ZNF568: variants seen among roughly 807,000 people sequenced by gnomAD.
The protein encoded by ZNF568 is zinc finger protein 568, also known as p53 inhibitor of SCO2 activation.
ZNF568 carries 11 observed loss-of-function variants against 18.1 expected under a neutral mutation model. That is an observed-to-expected ratio of 0.61 (90% CI 0.38 to 1.00). ZNF568 has a LOEUF of 1.00. Among genes scored for constraint, ZNF568 ranks in the 50% least tolerant of loss-of-function variants. ZNF568 has a pLI of 0.01. For synonymous variants in ZNF568, 213 were observed against 246.6 expected (o/e 0.86, Z 1.28); for missense variants, 639 against 768.2 (o/e 0.83, Z 1.99).
chr19:36,977,258 G>C (rs1351978356), intron 7 of ZNF568, among the ~76,000 whole-genome samples: 1 of 152,094 alleles, frequency 6.6e-6, no homozygotes, highest in African/African-American at 2.4e-5. Context: ...AAACAATCTA[G>C]TCTTTAAGGT....
At chr19:36,973,945 T>C (rs1667335) in intron 6 of ZNF568, among the ~76,000 whole-genome samples, 87,618 of 151,882 alleles carry the variant, frequency 0.58, 26,422 homozygotes, top group African/African-American at 0.74. Flanking sequence ...CTTCCCTCCA[T>C]CGGGTCTATC....
intron 4 of ZNF568, among the ~76,000 whole-genome samples, chr19:36,929,920 T>C (rs535216857): frequency 1.4e-5 from 2 of 146,086 alleles, no homozygotes; most frequent in South Asian, 4.3e-4. Context: ...TTATTGCCTC[T>C]TGCCAGGGGC....
chr19:36,920,577 G>A (rs2073435571), intron 2 of ZNF568, among the ~76,000 whole-genome samples: 1 of 150,674 alleles, frequency 6.6e-6, no homozygotes, highest in African/African-American at 2.4e-5. Context: ...TAGCCAAGAT[G>A]GTGCCATTAC....
chr19:36,929,551 C>T (rs112236162), intron 4 of ZNF568, among the ~76,000 whole-genome samples: 1,972 of 151,766 alleles, frequency 0.013, 46 homozygotes, highest in African/African-American at 0.045. Context: ...CGGGTGTGGT[C>T]GTACACACCT....
chr19:36,954,471 A>C (rs1456095396), downstream of ZNF568, among the ~76,000 whole-genome samples: 3 of 152,156 alleles, frequency 2.0e-5, no homozygotes, highest in Non-Finnish European at 4.4e-5. Flanking sequence ...AACTTACCCA[A>C]ACTGAAATAT....
chr19:36,996,206 G>A, intron 4 of ZNF568: 1 of 872,506 alleles, frequency 1.1e-6, no homozygotes, highest in Non-Finnish European at 1.7e-6. Flanking sequence ...TGTAATTGCA[G>A]TGTAAAGAAT....
At position 36,939,766 on chromosome 19, in the gene ZNF568, C is replaced by T. The variant is rs1032612759; in HGVS notation, c.358+2524C>T. Among the ~76,000 whole-genome samples, 6 of 152,024 alleles carry T rather than the reference C, an allele frequency of 3.9e-5. No homozygotes were observed. The East Asian group carries it at 7.7e-4, about 20-fold the overall frequency. ...ATGTTGGCCAGGCTGGTCTCGAATT[C>T]CTGACCTCGTGATCCGCCCACCTCG... is the stretch of plus-strand genomic sequence containing the variant. On this transcript the variant is annotated intron_variant, in intron 6 of 6. Transcript: ENST00000333987.
chr19:36,975,681 CT>C (rs1193440344), intron 7 of ZNF568, among the ~76,000 whole-genome samples: 886 of 75,736 alleles, frequency 0.012, 15 homozygotes, highest in African/African-American at 0.049. Flanking sequence ...CGCGCCAAGA[CT>C]TTTTTTTTTT....
At chr19:36,937,007 T>A in intron 5 of ZNF568, 135 bp downstream of exon 5, 1 of 1,364,394 alleles carries the variant, frequency 7.3e-7, no homozygotes, top group Non-Finnish European at 1.0e-6. Context: ...CTCTTCAGTG[T>A]TAAAGGCTGA....
chr19:36,987,342 T>C (rs1254909915), intron 2 of ZNF568, among the ~76,000 whole-genome samples: 2 of 152,140 alleles, frequency 1.3e-5, no homozygotes, highest in East Asian at 3.9e-4. Flanking sequence ...GCTGATCCTG[T>C]GGGTTGTCTG....
intron 2 of ZNF568, among the ~76,000 whole-genome samples, chr19:36,986,269 C>T (rs1258381961): frequency 2.0e-5 from 3 of 152,086 alleles, no homozygotes; most frequent in Admixed American, 6.6e-5. Flanking sequence ...ACTCTAAGGG[C>T]GTGGTTCTAG....
chr19:36,962,178 A>C (rs2074156739), intron 6 of ZNF568, among the ~76,000 whole-genome samples: 1 of 144,682 alleles, frequency 6.9e-6, no homozygotes, highest in Admixed American at 7.0e-5. Context: ...AGATTTCTGT[A>C]GTAGTACCAT....
In ZNF568 at chr19:36,952,211, T is replaced by G. The variant is rs569208446; in HGVS notation, c.*1123T>G. The G allele has an allele frequency of 1.0e-5, 3 of 288,076 alleles. No individual in the cohort carries two copies. In the Admixed American group the frequency reaches 2.0e-4, roughly 19 times the overall value. The allele number at this position is 288,076 out of a possible 1,614,324, so 17.8% of individuals were successfully genotyped here. A position where few individuals can be genotyped will look rare whatever the true frequency, so the allele number is the denominator to read the frequency against. On this transcript the variant is annotated 3_prime_UTR_variant, in exon 7 of 7. Transcript: ENST00000333987. ...TAATCCCAGCTACTTGGGAGGCTGA[T>G]AGAAGAAGATAACTTGAGGTCAGGA...
Position 36,937,226 on chromosome 19 carries a change from T to C in ZNF568, c.342T>C (p.Phe114=), listed in dbSNP as rs372507220. The change falls in exon 6 of 7, where the codon TTT becomes TTC. Residue 114 remains phenylalanine, a synonymous_variant. Transcript: ENST00000333987. ...EEPWVMEEEM[F]GRHCPEVWEV... is the part of the protein sequence containing the mutation. ...CCTGGGTGATGGAGGAAGAAATGTT[T>C]GGGAGGCACTGTCCAGGTGAATAAG... 9.3e-6 allele frequency: 15 copies of C among 1,613,812 alleles called. No individual in the cohort carries two copies. The highest frequency in any genetic ancestry group is 1.3e-5 in the African/African-American group (1 of 74,930).
At chr19:36,956,602 T>A (rs879293362), downstream of ZNF568, among the ~76,000 whole-genome samples, 1,035 of 92,058 alleles carry the variant, frequency 0.011, 26 homozygotes, top group East Asian at 0.082. Flanking sequence ...TAAAAAAAAC[T>A]TTTTTTTTTT....
intron 3 of ZNF568, chr19:36,991,571 A>G (rs995341255): frequency 1.8e-5 from 11 of 628,568 alleles, no homozygotes; most frequent in Non-Finnish European, 2.6e-5. Context: ...GTGGAATCAC[A>G]TATTGCAAAC....
intron 6 of ZNF568, among the ~76,000 whole-genome samples, chr19:36,965,008 G>A (rs2074184108): frequency 6.6e-6 from 1 of 152,176 alleles, no homozygotes; most frequent in Admixed American, 6.5e-5. Context: ...AGTACTATAA[G>A]AGGGACTTGT....
chr19:36,994,683 T>G (rs923250058), intron 4 of ZNF568, among the ~76,000 whole-genome samples: 5 of 152,304 alleles, frequency 3.3e-5, no homozygotes, highest in Admixed American at 2.0e-4. Flanking sequence ...TGTTGTTGTT[T>G]TTTTCTGAGA....
At chr19:36,986,740 G>A (rs1389971425) in intron 2 of ZNF568, among the ~76,000 whole-genome samples, 1 of 152,074 alleles carries the variant, frequency 6.6e-6, no homozygotes, top group Admixed American at 6.5e-5. Context: ...CGTATTTTCG[G>A]ATAAGAGAAT....
Sources: gnomAD v4.1 joint callset for allele counts (sites outside exome capture counted in the v4.1 genomes callset) on GRCh38, gnomAD v4.1.1 for gene constraint, MANE v1.5 for transcripts, NCBI Gene and HGNC (gene_info 2026-07-23, HGNC 2026-07-21) for gene names.